Variants in TMEM120B observed in about 807,000 individuals in gnomAD.
The protein encoded by TMEM120B is transmembrane protein 120B.
Under a neutral mutation model 55.5 loss-of-function variants are expected in TMEM120B, and 31 were observed. The ratio of observed to expected loss-of-function variants is 0.56; its 90% CI spans 0.42 to 0.75. The LOEUF is 0.75. Ranked by LOEUF, TMEM120B falls within the 30% of genes least tolerant of loss-of-function variation. The pLI is 0.00. For synonymous variants in TMEM120B, 203 were observed against 176.3 expected, an observed-to-expected ratio of 1.15 and a Z score of -1.20; for missense variants, 399 against 425.5, an observed-to-expected ratio of 0.94 and a Z score of 0.55.
chr12:121,775,874 C>T lies in TMEM120B; in HGVS notation c.*152C>T, dbSNP rs2137428073. ...CCCAGTGGTCTAGAGGAATGTGAGCCCCGCCTGTCCGCACAGTGTCCGCCC... is the reference window on the plus strand; with the variant it reads ...CCCAGTGGTCTAGAGGAATGTGAGCTCCGCCTGTCCGCACAGTGTCCGCCC... On this transcript the variant is annotated 3_prime_UTR_variant, in exon 12 of 12. Coordinates refer to ENST00000449592, the MANE Select transcript of TMEM120B (RefSeq NM_001080825.2). This position sits in a 1 kb window ranked among gnomAD's most constrained non-coding sequence, Gnocchi z 4.3. 1.3e-6 allele frequency: 1 copy of T among 780,448 alleles called. No homozygotes were observed. The highest frequency in any genetic ancestry group is 1.5e-5 in the South Asian group (1 of 67,630). 48.3% of individuals were successfully genotyped at this position (780,448 alleles called of 1,614,324 possible).
chr12:121,723,271 T>G (rs566329714), intron 1 of TMEM120B, among the ~76,000 whole-genome samples: 98 of 152,200 alleles, frequency 6.4e-4, no homozygotes, highest in Non-Finnish European at 9.6e-4. Context: ...AGGCTCAAGC[T>G]ATCTTCCCAC....
rs766818880 is a variant in TMEM120B at position 121,775,035 on chromosome 12, G to T, written c.838-27G>T. The T allele has an allele frequency of 1.7e-5, 27 of 1,612,676 alleles. No individual in the cohort carries two copies. The highest frequency in any genetic ancestry group is 2.2e-5 in the Non-Finnish European group (26 of 1,179,602). On this transcript the variant is annotated intron_variant, in intron 10 of 11. Transcript: ENST00000449592. The surrounding 1 kb of genome is among the most constrained non-coding windows in gnomAD (Gnocchi z 4.3). ...GTGGCCGGCCAGGGGAGTCTGGTGG[G>T]TGAGCAGCGCCTGCCTTCCTCTCCA...
chr12:121,754,288 G>T (rs534387659), intron 5 of TMEM120B, among the ~76,000 whole-genome samples: 32 of 152,322 alleles, frequency 2.1e-4, no homozygotes, highest in African/African-American at 7.2e-4. Flanking sequence ...TGCAGCCACA[G>T]TCCCTTGCAC....
chr12:121,771,213 G>T (rs754659235), intron 7 of TMEM120B, among the ~76,000 whole-genome samples: 24 of 152,198 alleles, frequency 1.6e-4, no homozygotes, highest in Non-Finnish European at 3.2e-4. Flanking sequence ...TGCAAGGCTG[G>T]AGGGAGCGAG....
rs371978870 is a variant in TMEM120B at position 121,759,714 on chromosome 12, C to T, written c.462-1935C>T. Among the ~76,000 whole-genome samples, 8 of 151,326 alleles carry T rather than the reference C, an allele frequency of 5.3e-5. No homozygotes were observed. The East Asian group carries it at 1.6e-3, about 30-fold the overall frequency. Reference sequence around the variant, plus strand: ...ACGCTTTAGAGCAGGAATGAAAAGCCACTGGGCGCAGTGGCTCATGCCTGT... The same window carrying T: ...ACGCTTTAGAGCAGGAATGAAAAGCTACTGGGCGCAGTGGCTCATGCCTGT... On this transcript the variant is annotated intron_variant, in intron 5 of 11. Coordinates refer to ENST00000449592, the MANE Select transcript of TMEM120B (RefSeq NM_001080825.2).
chr12:121,717,333 T>C (rs982645978), intron 1 of TMEM120B, among the ~76,000 whole-genome samples: 1 of 152,228 alleles, frequency 6.6e-6, no homozygotes, highest in Non-Finnish European at 1.5e-5. Context: ...TTGAAGGCCA[T>C]GGTAAAGATT....
Position 121,779,676 on chromosome 12 carries a change from G to A in TMEM120B, c.*3954G>A. ...GGCGCTCAGGCCCTGGGTGGGGGGA[G>A]GAGCCAGCATTAGGTGAGGGGCCCC... On this transcript the variant is annotated 3_prime_UTR_variant, in exon 12 of 12. Coordinates refer to ENST00000449592, the MANE Select transcript of TMEM120B (RefSeq NM_001080825.2). The A allele has an allele frequency of 6.2e-7, 1 of 1,613,406 alleles. No homozygotes were observed. Among genetic ancestry groups the A allele is most frequent in the Non-Finnish European group, 8.5e-7 (1 of 1,179,692 alleles).
intron 1 of TMEM120B, among the ~76,000 whole-genome samples, chr12:121,720,408 C>G (rs893516096): frequency 6.6e-6 from 1 of 152,028 alleles, no homozygotes; most frequent in Non-Finnish European, 1.5e-5. Context: ...TTTCTTAGAG[C>G]TATATAAAAG....
intron 3 of TMEM120B, 107 bp downstream of exon 3, chr12:121,748,549 A>G: frequency 1.3e-6 from 1 of 752,812 alleles, no homozygotes; most frequent in Non-Finnish European, 2.2e-6. Context: ...TTGAAGGGGA[A>G]AGAGGGAAAC....
At chr12:121,765,276 C>G (rs1358863062) in intron 6 of TMEM120B, among the ~76,000 whole-genome samples, 2 of 151,876 alleles carry the variant, frequency 1.3e-5, no homozygotes, top group Non-Finnish European at 2.9e-5. Flanking sequence ...ATTAGAGGTG[C>G]ACACCACCAT....
At chr12:121,760,991 T>G (rs1213637828) in intron 5 of TMEM120B, among the ~76,000 whole-genome samples, 1 of 152,136 alleles carries the variant, frequency 6.6e-6, no homozygotes, top group Non-Finnish European at 1.5e-5. Flanking sequence ...TCTTTTGTTT[T>G]TTTTTGGGAC....
chr12:121,758,761 C>T (rs1873567841), intron 5 of TMEM120B: 25 of 977,800 alleles, frequency 2.6e-5, no homozygotes, highest in Non-Finnish European at 3.0e-5. Flanking sequence ...CGGCCCAGCC[C>T]TGCGCTGTGG....
Position 121,775,019 on chromosome 12 carries a change from C to T in TMEM120B, c.838-43C>T, listed in dbSNP as rs750974830. On this transcript the variant is annotated intron_variant, in intron 10 of 11. Transcript: ENST00000449592. This position sits in a 1 kb window ranked among gnomAD's most constrained non-coding sequence, Gnocchi z 4.3. ...CACCCTGGCTTTCTACGTGGCCGGCCAGGGGAGTCTGGTGGGTGAGCAGCG... is the reference window on the plus strand; with the variant it reads ...CACCCTGGCTTTCTACGTGGCCGGCTAGGGGAGTCTGGTGGGTGAGCAGCG... 1 of 1,609,932 alleles carries T rather than the reference C, an allele frequency of 6.2e-7. No individual in the cohort carries two copies. Among genetic ancestry groups the T allele is most frequent in the East Asian group, 2.2e-5 (1 of 44,802 alleles).
At chr12:121,750,791 TACACCCCACACCCCATACACA>T (rs1873266347) in intron 4 of TMEM120B, among the ~76,000 whole-genome samples, 1 of 61,436 alleles carries the variant, frequency 1.6e-5, no homozygotes, top group Non-Finnish European at 3.1e-5. Flanking sequence ...CAGCCACACC[TACACCCCACACCCCATACACA>T]ACACCCCACA....
Position 121,748,352 on chromosome 12 carries a change from A to C in TMEM120B, c.215A>C (p.Glu72Ala), listed in dbSNP as rs1873166738. 6.2e-7 allele frequency: 1 copy of C among 1,610,832 alleles called. No individual in the cohort carries two copies. Among genetic ancestry groups the C allele is most frequent in the Non-Finnish European group, 8.5e-7 (1 of 1,178,592 alleles). Residue 72 changes from glutamate to alanine, a missense_variant, in exon 3 of 12, where the codon GAG becomes GCG. By Grantham distance (107) the Glu-to-Ala change is moderately radical. This residue lies in a region of TMEM120B where 133 missense variants were observed against 104.1 expected (regional missense o/e 1.28). Coordinates refer to ENST00000449592, the MANE Select transcript of TMEM120B (RefSeq NM_001080825.2). ...TGCAAACGCCATGCCAGTCGGGAGG[A>C]GGCGGAGCTCGTTCAGCAGATGGCA... ...QRCKRHASRE[E>A]AELVQQMAAN...
At chr12:121,770,780 G>A in intron 6 of TMEM120B, 127 bp from the exon 7 acceptor site, 2 of 831,422 alleles carry the variant, frequency 2.4e-6, no homozygotes, top group South Asian at 1.5e-5. Flanking sequence ...GTTCCAGTCT[G>A]TTTCTTACTC....
rs7957751 is a variant in TMEM120B, at chr12:121,761,749, A to G, written c.551+11A>G. On this transcript the variant is annotated intron_variant, in intron 6 of 11. Transcript: ENST00000449592. ...CAGCAACGGCTCAAGGTACCTGGGC[A>G]CCTGGCTTTGTGGGGAGCACAAGAG... The G allele has an allele frequency of 0.05, 79,943 of 1,610,796 alleles. 3,146 individuals carry two copies. The highest frequency in any genetic ancestry group is 0.2 in the African/African-American group (15,132 of 74,780).
At chr12:121,769,755 A>T (rs1421285728) in intron 6 of TMEM120B, among the ~76,000 whole-genome samples, 1 of 142,088 alleles carries the variant, frequency 7.0e-6, no homozygotes, top group African/African-American at 2.6e-5. Flanking sequence ...TGCTTATTCA[A>T]CACATTTATT....
At chr12:121,746,432 C>T (rs902407086) in intron 2 of TMEM120B, among the ~76,000 whole-genome samples, 1 of 152,064 alleles carries the variant, frequency 6.6e-6, no homozygotes, top group African/African-American at 2.4e-5. Context: ...GGTGATCGGC[C>T]CACCTCAGCC....
Sources: allele counts gnomAD v4.1 joint callset (sites outside exome capture counted in the v4.1 genomes callset), GRCh38; gene constraint gnomAD v4.1.1; regional missense constraint gnomAD v4.1.1; non-coding constraint Gnocchi (gnomAD v3.1); transcripts MANE v1.5; gene names NCBI Gene and HGNC (gene_info 2026-07-23, HGNC 2026-07-21).